Variants in GPR108 observed in about 807,000 individuals in gnomAD.
GPR108 encodes G protein-coupled receptor 108.
In GPR108, 60 loss-of-function variants were observed where a neutral mutation model predicts 74.3. The observed-to-expected ratio is 0.81, with a 90% CI of 0.66 to 1.00. GPR108 has a LOEUF of 1.00. Ranked by LOEUF, GPR108 falls within the 50% of genes least tolerant of loss-of-function variation. The probability of loss-of-function intolerance (pLI) is 0.00; values close to 1 mark genes in which losing one functional copy is unlikely to be tolerated. For missense variants in GPR108, 667 were observed against 703.3 expected, an observed-to-expected ratio of 0.95 and a Z score of 0.58; for synonymous variants, 311 against 292.4, an observed-to-expected ratio of 1.06 and a Z score of -0.65.
intron 12 of GPR108, 48 bp from the exon 13 acceptor site, chr19:6,732,203 T>G (rs1968440363): frequency 1.2e-6 from 2 of 1,612,426 alleles, no homozygotes; most frequent in Non-Finnish European, 1.7e-6. Flanking sequence ...ACGCTCCCCT[T>G]TGCCCCCACT....
chr19:6,735,117 C>T (rs1489206526), intron 4 of GPR108, among the ~76,000 whole-genome samples: 3 of 152,148 alleles, frequency 2.0e-5, no homozygotes, highest in East Asian at 1.9e-4. Context: ...GTCTACAATT[C>T]CTGGGCCCAA....
At position 6,732,166 on chromosome 19, in the gene GPR108, G is replaced by A. The variant is rs200394231; in HGVS notation, c.1126-11C>T. On this transcript the variant is annotated splice_polypyrimidine_tract_variant and intron_variant, in intron 12 of 17. Transcript: ENST00000264080. ...CACGTTGGCCAGGACCTGCGCAGGCGGCGGGGGTGGGTGGGCACTGCCTGG... is the reference window on the plus strand; with the variant it reads ...CACGTTGGCCAGGACCTGCGCAGGCAGCGGGGGTGGGTGGGCACTGCCTGG... 4.8e-5 allele frequency: 78 copies of A among 1,613,238 alleles called. No homozygotes were observed. The highest frequency in any genetic ancestry group is 4.8e-4 in the African/African-American group (36 of 75,050).
rs1045663313 is a variant in GPR108 at position 6,733,878 on chromosome 19, G to C, written c.585C>G (p.Gly195=). The change falls in exon 7 of 18, where the codon GGC becomes GGG. Residue 195 remains glycine, a synonymous_variant. Transcript: ENST00000264080. ...TGTAGGAGTTGTTGAGGTGGCTCAG[G>C]CCCAACACCAGGTCCTTGTCCTTCC... ...PSGKDKDLVL[G]LSHLNNSYNF... 1 of 1,614,004 alleles carries C rather than the reference G, an allele frequency of 6.2e-7. No individual in the cohort carries two copies. The highest frequency in any genetic ancestry group is 1.3e-5 in the African/African-American group (1 of 74,906).
In GPR108 at chr19:6,733,854, G is replaced by T. The variant is rs1968522678; in HGVS notation, c.609C>A (p.Tyr203Ter). Residue 203 changes from tyrosine to a stop codon, truncating the protein, a stop_gained, in exon 7 of 18, where the codon TAC becomes TAA. Coordinates refer to ENST00000264080, the MANE Select transcript of GPR108 (RefSeq NM_001080452.2). LOFTEE classifies it high-confidence loss of function. ...VLGLSHLNNS[Y>*]NFSFHVVIGS... The stretch of plus-strand genomic sequence containing the variant: ...CGCTGCAAACACTCACACTGAAGTT[G>T]TAGGAGTTGTTGAGGTGGCTCAGGC... The T allele has an allele frequency of 6.2e-7, 1 of 1,614,114 alleles. No individual in the cohort carries two copies. Among genetic ancestry groups the T allele is most frequent in the Non-Finnish European group, 8.5e-7 (1 of 1,179,938 alleles).
At chr19:6,736,898 G>T (rs965728625) in intron 1 of GPR108, 187 bp from the exon 2 acceptor site, 1 of 756,490 alleles carries the variant, frequency 1.3e-6, no homozygotes, top group Non-Finnish European at 2.1e-6. Flanking sequence ...TGCATTCTCC[G>T]ACCTCTGTTC....
In GPR108 at chr19:6,733,992, G is replaced by C. The variant is rs340131; in HGVS notation, c.549+13C>G. ...GGGTGTGCATCTTCCCTCCTGCCCCGCCTCCCCGAAACCTGAATCACTGCG... is the reference window on the plus strand; with the variant it reads ...GGGTGTGCATCTTCCCTCCTGCCCCCCCTCCCCGAAACCTGAATCACTGCG... On this transcript the variant is annotated intron_variant, in intron 6 of 17. Coordinates refer to ENST00000264080, the MANE Select transcript of GPR108 (RefSeq NM_001080452.2). The C allele has an allele frequency of 1.9e-6, 3 of 1,614,054 alleles. No homozygotes were observed. Among genetic ancestry groups the C allele is most frequent in the Non-Finnish European group, 2.5e-6 (3 of 1,180,038 alleles).
intron 17 of GPR108, 63 bp from the exon 18 acceptor site, chr19:6,730,447 C>A: frequency 2.1e-6 from 3 of 1,407,260 alleles, no homozygotes; most frequent in Non-Finnish European, 3.0e-6. Flanking sequence ...CCACTCTACC[C>A]GGAACCACTC....
At chr19:6,732,851 C>A in intron 10 of GPR108, 136 bp downstream of exon 10, 1 of 762,168 alleles carries the variant, frequency 1.3e-6, no homozygotes, top group Non-Finnish European at 2.2e-6. Context: ...TGACTGGCCA[C>A]ACTGGTAAAA....
intron 1 of GPR108, 164 bp from the exon 2 acceptor site, chr19:6,736,875 G>A (rs533908885): frequency 4.3e-6 from 4 of 920,250 alleles, no homozygotes; most frequent in South Asian, 1.7e-5. Context: ...TCCCTGCAGG[G>A]GAAGGGTGGT....
chr19:6,734,848 C>CATTATTATTATT (rs111460609), intron 4 of GPR108, among the ~76,000 whole-genome samples: 10 of 139,722 alleles, frequency 7.2e-5, no homozygotes, highest in Middle Eastern at 3.7e-3. Context: ...GCCAGCCCTA[C>CATTATTATTATT]ATTATTATTA....
intron 9 of GPR108, 29 bp from the exon 10 acceptor site, chr19:6,733,091 G>C: frequency 6.2e-7 from 1 of 1,613,504 alleles, no homozygotes; most frequent in South Asian, 1.1e-5. Flanking sequence ...AGAGATGGGG[G>C]TGCGGGGCAT....
intron 7 of GPR108, 82 bp from the exon 8 acceptor site, chr19:6,733,756 T>C: frequency 6.3e-7 from 1 of 1,581,554 alleles, no homozygotes. Context: ...TCCCATGGTC[T>C]GGGGCGATGG....
intron 17 of GPR108, 53 bp downstream of exon 17, chr19:6,730,928 CTGCCCA>C: frequency 1.0e-6 from 1 of 995,630 alleles, no homozygotes; most frequent in Non-Finnish European, 1.5e-6. Context: ...GCCCGTAGAG[CTGCCCA>C]CCCCCTACTC....
At chr19:6,730,586 G>T in intron 17 of GPR108, 1 of 577,876 alleles carries the variant, frequency 1.7e-6, no homozygotes, top group South Asian at 2.0e-5. Context: ...AACCACCTAG[G>T]CCCCGCCCCC....
At chr19:6,736,507 T>C (rs1968639967) in intron 2 of GPR108, 85 bp downstream of exon 2, 8 of 1,373,212 alleles carry the variant, frequency 5.8e-6, no homozygotes, top group Non-Finnish European at 8.1e-6. Context: ...TTGTACAAGA[T>C]CACATGGGTA....
intron 1 of GPR108, chr19:6,736,970 C>T (rs562764942): frequency 1.9e-4 from 94 of 499,096 alleles, no homozygotes; most frequent in African/African-American, 1.7e-3. Context: ...GTGAGCACCG[C>T]CCGGAGAACA....
Position 6,730,208 on chromosome 19 carries a change from G to T in GPR108, c.*104C>A. The stretch of plus-strand genomic sequence containing the variant: ...CGGGGTCCCGGGGAGCTGGGCGCCT[G>T]GTCCACATGGACCCCCTCCACCTCC... On this transcript the variant is annotated 3_prime_UTR_variant, in exon 18 of 18. Transcript: ENST00000264080. 1 of 1,104,910 alleles carries T rather than the reference G, an allele frequency of 9.1e-7. No individual in the cohort carries two copies. The highest frequency in any genetic ancestry group is 1.4e-6 in the Non-Finnish European group (1 of 725,862). The allele number at this position is 1,104,910 out of a possible 1,614,324, so 68.4% of individuals were successfully genotyped here. A position where few individuals can be genotyped will look rare whatever the true frequency, so the allele number is the denominator to read the frequency against.
intron 15 of GPR108, 59 bp downstream of exon 15, chr19:6,731,414 T>C: frequency 6.7e-7 from 1 of 1,489,370 alleles, no homozygotes; most frequent in Non-Finnish European, 9.0e-7. Context: ...GGGGCTGGGG[T>C]GGGCGTGCAG....
At chr19:6,736,898 G>A (rs965728625) in intron 1 of GPR108, 187 bp from the exon 2 acceptor site, 2 of 756,490 alleles carry the variant, frequency 2.6e-6, no homozygotes, top group Non-Finnish European at 4.1e-6. Context: ...TGCATTCTCC[G>A]ACCTCTGTTC....
Sources: gnomAD v4.1 joint callset for allele counts (sites outside exome capture counted in the v4.1 genomes callset) on GRCh38, gnomAD v4.1.1 for gene constraint, MANE v1.5 for transcripts, NCBI Gene and HGNC (gene_info 2026-07-23, HGNC 2026-07-21) for gene names.